ERBB4: variants seen among roughly 807,000 people sequenced by gnomAD.
The protein encoded by ERBB4 is erb-b2 receptor tyrosine kinase 4.
ERBB4 carries 42 observed loss-of-function variants against 158.0 expected under a neutral mutation model. The observed-to-expected ratio is 0.27, with a 90% CI of 0.21 to 0.34. ERBB4 has a LOEUF of 0.34. ERBB4 is among the 10% of genes least tolerant of loss of function. ERBB4 has a pLI of 1.00. For synonymous variants in ERBB4, 583 were observed against 558.7 expected (o/e 1.04, Z -0.61); for missense variants, 1,333 against 1,624.1 (o/e 0.82, Z 3.08).
At chr2:212,478,451 C>G (rs947096128) in intron 1 of ERBB4, among the ~76,000 whole-genome samples, 1 of 151,694 alleles carries the variant, frequency 6.6e-6, no homozygotes, top group Non-Finnish European at 1.5e-5. Flanking sequence ...TAAGCACAAG[C>G]AAAAGTTATG....
chr2:212,350,922 C>T (rs1465439963), intron 1 of ERBB4, among the ~76,000 whole-genome samples: 1 of 152,110 alleles, frequency 6.6e-6, no homozygotes, highest in Non-Finnish European at 1.5e-5. Context: ...AAAAAGCAAG[C>T]AAGGTGCAAA....
At chr2:211,466,353 A>G (rs1378281313) in intron 20 of ERBB4, among the ~76,000 whole-genome samples, 2 of 149,086 alleles carry the variant, frequency 1.3e-5, no homozygotes, top group Admixed American at 6.7e-5. Context: ...TTTTTTTAAA[A>G]AAAAAAAAAG....
chr2:212,488,327 C>G lies in ERBB4; in HGVS notation c.82+50122G>C, dbSNP rs527737884. ...TCTAAGTTTCCTCGCTCCTCTCTCT[C>G]TCTCTCTCTCTCTCTCCTCTCTCTC... On this transcript the variant is annotated intron_variant, in intron 1 of 27. Transcript: ENST00000342788. 4.3e-5 allele frequency among the ~76,000 whole-genome samples: 5 copies of G among 116,784 alleles called. No homozygotes were observed. In the East Asian group the frequency reaches 9.8e-4, roughly 23 times the overall value. 76.6% of individuals were successfully genotyped at this position (116,784 alleles called of 152,430 possible).
chr2:212,241,107 C>T (rs2084086624), intron 1 of ERBB4, among the ~76,000 whole-genome samples: 1 of 151,792 alleles, frequency 6.6e-6, no homozygotes, highest in Admixed American at 6.6e-5. Flanking sequence ...TTAAAGCATT[C>T]AGGGCTATGC....
intron 5 of ERBB4, among the ~76,000 whole-genome samples, chr2:211,741,953 A>G (rs1349877440): frequency 6.6e-6 from 1 of 152,200 alleles, no homozygotes; most frequent in Non-Finnish European, 1.5e-5. Context: ...GGTCAGTGTA[A>G]TCAAGTAATT....
chr2:212,057,829 G>A (rs546580545), intron 2 of ERBB4, among the ~76,000 whole-genome samples: 2 of 152,244 alleles, frequency 1.3e-5, no homozygotes, highest in African/African-American at 4.8e-5. Flanking sequence ...GAGAAAGCAG[G>A]AAAGATCTAA....
At chr2:212,035,053 T>C (rs1231437563) in intron 2 of ERBB4, among the ~76,000 whole-genome samples, 1 of 152,232 alleles carries the variant, frequency 6.6e-6, no homozygotes, top group Non-Finnish European at 1.5e-5. Context: ...TATACGATGA[T>C]GTTCATTCAG....
At chr2:211,992,568 A>AGAGAGAG (rs113455518) in intron 2 of ERBB4, among the ~76,000 whole-genome samples, 37 of 76,572 alleles carry the variant, frequency 4.8e-4, no homozygotes, top group African/African-American at 1.2e-3. Context: ...AGAGAGAGAG[A>AGAGAGAG]AAAAAAAAAA....
intron 1 of ERBB4, among the ~76,000 whole-genome samples, chr2:212,191,960 A>G (rs1431414053): frequency 7.9e-6 from 1 of 126,032 alleles, no homozygotes; most frequent in African/African-American, 3.2e-5. Context: ...TATATATGTT[A>G]TATATGTTAT....
At chr2:211,426,195 T>A (rs373165277) in intron 22 of ERBB4, among the ~76,000 whole-genome samples, 1 of 152,096 alleles carries the variant, frequency 6.6e-6, no homozygotes, top group Admixed American at 6.6e-5. Context: ...TATATCCTTG[T>A]AAAGGTGATG....
At chr2:211,775,077 T>C (rs1290579290) in intron 4 of ERBB4, among the ~76,000 whole-genome samples, 2 of 152,214 alleles carry the variant, frequency 1.3e-5, no homozygotes, top group Non-Finnish European at 2.9e-5. Context: ...TCAAAAGAGT[T>C]GTCCCTCTCT....
At chr2:212,317,343 T>C (rs1159768943) in intron 1 of ERBB4, among the ~76,000 whole-genome samples, 1 of 151,544 alleles carries the variant, frequency 6.6e-6, no homozygotes, top group Non-Finnish European at 1.5e-5. Context: ...TAAAGAATCA[T>C]ATTATATCCT....
At chr2:211,773,614 A>G (rs2075776192) in intron 4 of ERBB4, among the ~76,000 whole-genome samples, 2 of 42,626 alleles carry the variant, frequency 4.7e-5, no homozygotes, top group African/African-American at 2.8e-4. Flanking sequence ...ATATATATAT[A>G]TATATATATA....
At chr2:212,049,997 T>A (rs2077358251) in intron 2 of ERBB4, among the ~76,000 whole-genome samples, 1 of 152,106 alleles carries the variant, frequency 6.6e-6, no homozygotes, top group Non-Finnish European at 1.5e-5. Context: ...GAAAAATACC[T>A]ATACGAATAG....
intron 1 of ERBB4, among the ~76,000 whole-genome samples, chr2:212,460,529 T>G (rs1293532918): frequency 1.3e-5 from 2 of 152,188 alleles, no homozygotes; most frequent in Non-Finnish European, 2.9e-5. Context: ...GTGACTCTTG[T>G]TATATTTTAG....
intron 1 of ERBB4, among the ~76,000 whole-genome samples, chr2:212,346,570 A>C (rs1400926254): frequency 7.1e-6 from 1 of 141,780 alleles, no homozygotes; most frequent in Admixed American, 6.7e-5. Context: ...ATTTAAATGA[A>C]AGTTTGCATA....
chr2:212,120,877 A>G (rs1448043842), intron 2 of ERBB4, among the ~76,000 whole-genome samples: 1 of 152,180 alleles, frequency 6.6e-6, no homozygotes, highest in African/African-American at 2.4e-5. Flanking sequence ...ATCCACTCAT[A>G]CAATTTGAAA....
At chr2:211,757,730 C>T (rs1036148905) in intron 4 of ERBB4, among the ~76,000 whole-genome samples, 2 of 152,170 alleles carry the variant, frequency 1.3e-5, no homozygotes, top group African/African-American at 4.8e-5. Context: ...AATGGACAGG[C>T]CAGTTAATCT....
chr2:212,404,276 T>G (rs1188114076), intron 1 of ERBB4, among the ~76,000 whole-genome samples: 5 of 152,034 alleles, frequency 3.3e-5, no homozygotes, highest in Admixed American at 3.3e-4. Flanking sequence ...TTTCCTCCTC[T>G]TTCTTCAATA....
Sources: gnomAD v4.1 joint callset for allele counts (sites outside exome capture counted in the v4.1 genomes callset) on GRCh38, gnomAD v4.1.1 for gene constraint, MANE v1.5 for transcripts, NCBI Gene and HGNC (gene_info 2026-07-23, HGNC 2026-07-21) for gene names.